ZHX2: variants seen among roughly 807,000 people sequenced by gnomAD.
The protein encoded by ZHX2 is zinc fingers and homeoboxes protein 2.
Under a neutral mutation model 21.9 loss-of-function variants are expected in ZHX2, and 6 were observed. That is an observed-to-expected ratio of 0.27 (90% confidence interval 0.15 to 0.54). ZHX2 has a LOEUF of 0.54. ZHX2 is among the 20% of genes least tolerant of loss of function. ZHX2 has a pLI of 0.95. For synonymous variants in ZHX2, 434 were observed against 437.1 expected (o/e 0.99, Z 0.09); for missense variants, 908 against 1,090.7 (o/e 0.83, Z 2.36).
At chr8:122,793,097 G>A (rs10956100) in intron 1 of ZHX2, among the ~76,000 whole-genome samples, 29,574 of 152,178 alleles carry the variant, frequency 0.19, 3,412 homozygotes, top group East Asian at 0.29. Context: ...TGCTCACAGG[G>A]TTGCTGTGAG....
intron 1 of ZHX2, among the ~76,000 whole-genome samples, chr8:122,802,472 C>T (rs1335563038): frequency 6.6e-6 from 1 of 152,208 alleles, no homozygotes; most frequent in African/African-American, 2.4e-5. Flanking sequence ...CGTGGCTGCC[C>T]TAGCTCCCTT....
chr8:122,847,065 G>T (rs1234502664), intron 1 of ZHX2, among the ~76,000 whole-genome samples: 1 of 152,174 alleles, frequency 6.6e-6, no homozygotes, highest in African/African-American at 2.4e-5. Context: ...AGAAACTGAG[G>T]CATGATGAGG....
chr8:122,877,013 T>C (rs2129748653), intron 2 of ZHX2, among the ~76,000 whole-genome samples: 1 of 152,350 alleles, frequency 6.6e-6, no homozygotes, highest in Non-Finnish European at 1.5e-5. Flanking sequence ...TGCCAGGCAC[T>C]GTGCTAAGCA....
chr8:122,943,470 T>C (rs1174228626), intron 2 of ZHX2, among the ~76,000 whole-genome samples: 1 of 152,176 alleles, frequency 6.6e-6, no homozygotes, highest in East Asian at 1.9e-4. Context: ...AAGTGAAACT[T>C]AGCACTTGGC....
chr8:122,876,512 CT>C (rs1198231564), intron 2 of ZHX2, among the ~76,000 whole-genome samples: 1 of 152,206 alleles, frequency 6.6e-6, no homozygotes, highest in African/African-American at 2.4e-5. Flanking sequence ...TCAGTTTCCC[CT>C]GATCCCTGGA....
At chr8:122,809,646 C>G (rs960931855) in intron 1 of ZHX2, among the ~76,000 whole-genome samples, 5 of 152,172 alleles carry the variant, frequency 3.3e-5, no homozygotes, top group African/African-American at 1.2e-4. Flanking sequence ...AACAAGCAAC[C>G]GAGAAACCAA....
chr8:122,943,127 T>C (rs1812887037), intron 2 of ZHX2, among the ~76,000 whole-genome samples: 1 of 152,110 alleles, frequency 6.6e-6, no homozygotes, highest in Non-Finnish European at 1.5e-5. Flanking sequence ...CCAGGCGTGG[T>C]GGCACATGCT....
rs945303419 is a variant in ZHX2, at chr8:122,787,156, A to G, written c.-283+5210A>G. On this transcript the variant is annotated intron_variant, in intron 1 of 3. Transcript: ENST00000314393. Reference sequence around the variant, plus strand: ...AGAAAAACAGTCCTGACAACAGTATATCAATTTCCACCCAAACTTTAAAAT... The same window carrying G: ...AGAAAAACAGTCCTGACAACAGTATGTCAATTTCCACCCAAACTTTAAAAT... Among the ~76,000 whole-genome samples, 5 of 151,982 alleles carry G rather than the reference A, an allele frequency of 3.3e-5. 1 individual carries two copies. The South Asian group carries it at 1.0e-3, about 32-fold the overall frequency.
intron 2 of ZHX2, among the ~76,000 whole-genome samples, chr8:122,946,472 A>G (rs974123114): frequency 1.9e-4 from 29 of 151,716 alleles, no homozygotes; most frequent in African/African-American, 7.0e-4. Context: ...CTGGTTGCTG[A>G]ATGAGTTTTA....
chr8:122,921,675 G>A (rs997780394), intron 2 of ZHX2, among the ~76,000 whole-genome samples: 3 of 142,744 alleles, frequency 2.1e-5, no homozygotes, highest in Admixed American at 1.4e-4. Context: ...AGAAAGTGAG[G>A]AAGGGAGGGA....
chr8:122,967,804 G>A (rs564571810), intron 3 of ZHX2, among the ~76,000 whole-genome samples: 46 of 152,314 alleles, frequency 3.0e-4, no homozygotes, highest in Non-Finnish European at 4.4e-4. Flanking sequence ...TCAGGAAAGC[G>A]CCAGCTGCAG....
At chr8:122,890,340 A>G (rs530914476) in intron 2 of ZHX2, among the ~76,000 whole-genome samples, 10 of 152,260 alleles carry the variant, frequency 6.6e-5, no homozygotes, top group African/African-American at 9.6e-5. Flanking sequence ...TGCCCATACC[A>G]TACTGTTTTG....
chr8:122,933,409 T>C (rs1376370900), intron 2 of ZHX2, among the ~76,000 whole-genome samples: 1 of 152,192 alleles, frequency 6.6e-6, no homozygotes, highest in African/African-American at 2.4e-5. Flanking sequence ...AAAACCATGA[T>C]TGTTTCTTCT....
intron 1 of ZHX2, among the ~76,000 whole-genome samples, chr8:122,845,838 AG>A (rs1422873644): frequency 6.6e-6 from 1 of 152,254 alleles, no homozygotes; most frequent in Non-Finnish European, 1.5e-5. Flanking sequence ...GAGTCAGAAA[AG>A]ACAGGAAAGA....
Position 122,914,012 on chromosome 8 carries a change from A to C in ZHX2, c.-219-37280A>C, listed in dbSNP as rs566443368. ...ATGCTCTCTTCTCTAGTAATTTTCC[A>C]CTCCCTTTGTTCACAGAACTTAAGC... is the stretch of plus-strand genomic sequence containing the variant. On this transcript the variant is annotated intron_variant, in intron 2 of 3. Coordinates refer to ENST00000314393, the MANE Select transcript of ZHX2 (RefSeq NM_014943.5). Among the ~76,000 whole-genome samples the C allele has an allele frequency of 2.7e-5, 4 of 150,920 alleles. No individual in the cohort carries two copies. The East Asian group carries it at 5.9e-4, about 22-fold the overall frequency.
chr8:122,943,767 G>A (rs1413854801), intron 2 of ZHX2, among the ~76,000 whole-genome samples: 1 of 152,146 alleles, frequency 6.6e-6, no homozygotes, highest in Non-Finnish European at 1.5e-5. Flanking sequence ...TTGAGGGTTT[G>A]TTCTTCATTG....
chr8:122,953,470 A>T lies in ZHX2; in HGVS notation c.1960A>T (p.Thr654Ser), dbSNP rs139727759. The T allele has an allele frequency of 2.5e-6, 4 of 1,614,008 alleles. No homozygotes were observed. The African/African-American group carries it at 5.3e-5, about 22-fold the overall frequency. The change falls in exon 3 of 4, where the codon ACT (threonine) becomes TCT (serine). Residue 654 changes from threonine to serine, a missense_variant. This residue lies in a region of ZHX2 where 431 missense variants were observed against 428.6 expected (regional missense o/e 1.01). Transcript: ENST00000314393. The surrounding 1 kb of genome is among the most constrained non-coding windows in gnomAD (Gnocchi z 4.6). ...CACGTTTGCAAGAACCCAGTGGCCT[A>T]CTCCCCAGGAGTACGACCAGTTAGC... ...RSTFARTQWP[T>S]PQEYDQLAAK...
At chr8:122,920,232 C>A (rs1472081655) in intron 2 of ZHX2, among the ~76,000 whole-genome samples, 1 of 152,148 alleles carries the variant, frequency 6.6e-6, no homozygotes, top group Non-Finnish European at 1.5e-5. Flanking sequence ...CGAGATCGTG[C>A]CGTTGCACTC....
intron 1 of ZHX2, among the ~76,000 whole-genome samples, chr8:122,788,897 G>T (rs771270655): frequency 1.3e-5 from 2 of 152,290 alleles, no homozygotes; most frequent in Non-Finnish European, 2.9e-5. Context: ...TTACAAATCC[G>T]CCTCTGTTAT....
Sources: gnomAD v4.1 joint callset for allele counts (sites outside exome capture counted in the v4.1 genomes callset) on GRCh38, gnomAD v4.1.1 for gene constraint, gnomAD v4.1.1 regional missense constraint, Gnocchi (gnomAD v3.1) non-coding constraint, MANE v1.5 for transcripts, NCBI Gene and HGNC (gene_info 2026-07-23, HGNC 2026-07-21) for gene names.